Variants in STAU1 observed in about 807,000 individuals in gnomAD.
STAU1 encodes staufen double-stranded RNA binding protein 1, also known as double-stranded RNA-binding protein Staufen homolog 1.
Under a neutral mutation model 62.9 loss-of-function variants are expected in STAU1, and 13 were observed. The ratio of observed to expected loss-of-function variants is 0.21; its 90% confidence interval spans 0.13 to 0.33. The LOEUF (loss-of-function observed/expected upper bound fraction) is 0.33. Among genes scored for constraint, STAU1 ranks in the 10% least tolerant of loss-of-function variants. The probability of loss-of-function intolerance (pLI) is 1.00; values close to 1 mark genes in which losing one functional copy is unlikely to be tolerated. For missense variants in STAU1, 571 were observed against 712.1 expected (o/e 0.80, Z 2.25); for synonymous variants, 269 against 265.1 (o/e 1.01, Z -0.14).
intron 5 of STAU1, among the ~76,000 whole-genome samples, chr20:49,145,559 C>T (rs1335240787): frequency 1.3e-5 from 2 of 151,066 alleles, no homozygotes; most frequent in Non-Finnish European, 2.9e-5. Context: ...GGTGAAACCC[C>T]GTCTCTACTA....
chr20:49,194,959 A>G, the STAU1 span, among the ~76,000 whole-genome samples: 3 of 152,230 alleles, frequency 2.0e-5, no homozygotes, highest in Admixed American at 6.6e-5. Context: ...AAAAATAATA[A>G]TAACGGGAAA....
At chr20:49,203,195 C>T in the STAU1 span, among the ~76,000 whole-genome samples, 2 of 151,908 alleles carry the variant, frequency 1.3e-5, no homozygotes, top group South Asian at 4.2e-4. Context: ...GAGCCCGAGG[C>T]GGGCAGATCA....
the STAU1 span, among the ~76,000 whole-genome samples, chr20:49,218,327 C>T: frequency 2.0e-5 from 3 of 151,378 alleles, no homozygotes; most frequent in Non-Finnish European, 2.9e-5. Flanking sequence ...TGGGTTCACA[C>T]CATTCTCCTG....
chr20:49,114,863 A>G lies in STAU1; in HGVS notation c.*15T>C, dbSNP rs770392202. 1.2e-6 allele frequency: 2 copies of G among 1,613,272 alleles called. No homozygotes were observed. Among genetic ancestry groups the G allele is most frequent in the East Asian group, 2.2e-5 (1 of 44,882 alleles). ...ATATGTTGGGATTTTATAATGGTTC[A>G]TGGCCAGAAAAGGTTCAGCACCTCC... On this transcript the variant is annotated 3_prime_UTR_variant, in exon 14 of 14. Coordinates refer to ENST00000371856, the MANE Select transcript of STAU1 (RefSeq NM_017453.4).
chr20:49,177,790 A>ACTT (rs1351660439), intron 1 of STAU1, among the ~76,000 whole-genome samples: 1 of 152,190 alleles, frequency 6.6e-6, no homozygotes, highest in Non-Finnish European at 1.5e-5. Flanking sequence ...ACCATCATCA[A>ACTT]CTTAGCAAAG....
chr20:49,185,314 G>C (rs1329518204), intron 1 of STAU1, among the ~76,000 whole-genome samples: 1 of 152,196 alleles, frequency 6.6e-6, no homozygotes, highest in African/African-American at 2.4e-5. Context: ...AAACAGGACT[G>C]GGGAAATCTG....
chr20:49,129,364 T>C (rs996161620), intron 6 of STAU1, among the ~76,000 whole-genome samples: 2 of 135,088 alleles, frequency 1.5e-5, no homozygotes, highest in African/African-American at 5.5e-5. Flanking sequence ...CTTGGCTCAC[T>C]GCAACCTCTG....
intron 6 of STAU1, 75 bp from the exon 7 acceptor site, chr20:49,124,662 CTT>C: frequency 2.0e-6 from 3 of 1,483,466 alleles, no homozygotes; most frequent in Non-Finnish European, 2.8e-6. Flanking sequence ...GGCTGGCACA[CTT>C]CACACAGACA....
intron 6 of STAU1, 107 bp from the exon 7 acceptor site, chr20:49,124,694 A>G: frequency 3.7e-6 from 4 of 1,094,284 alleles, no homozygotes; most frequent in Non-Finnish European, 5.4e-6. Flanking sequence ...GGAACCAAGG[A>G]CAAGACCTAC....
At chr20:49,164,321 G>A (rs1253897090) in intron 3 of STAU1, among the ~76,000 whole-genome samples, 2 of 151,682 alleles carry the variant, frequency 1.3e-5, no homozygotes, top group South Asian at 2.1e-4. Context: ...TTTTGAGACA[G>A]GGTCTCGCTC....
chr20:49,199,926 T>A, the STAU1 span, among the ~76,000 whole-genome samples: 1 of 152,116 alleles, frequency 6.6e-6, no homozygotes, highest in South Asian at 2.1e-4. Flanking sequence ...CCCAGGCTGG[T>A]CTGCAACTCG....
chr20:49,132,198 G>A (rs1037018281), intron 6 of STAU1, among the ~76,000 whole-genome samples: 2 of 152,096 alleles, frequency 1.3e-5, no homozygotes, highest in East Asian at 1.9e-4. Context: ...CAGAGATTCT[G>A]AAACACTTCT....
chr20:49,209,670 G>T, the STAU1 span, among the ~76,000 whole-genome samples: 1 of 152,128 alleles, frequency 6.6e-6, no homozygotes, highest in Non-Finnish European at 1.5e-5. Context: ...TTGAACCCAA[G>T]AGGTGGAGGT....
In STAU1 at chr20:49,145,328, G is replaced by A. The variant is rs192225317; in HGVS notation, c.510+6254C>T. On this transcript the variant is annotated intron_variant, in intron 5 of 13. Transcript: ENST00000371856. ...AGTCCCAGCTACTTGGGAGGCTGAGGCAGAAGAATTGCTTGAAGCTGGGAG... is the reference window on the plus strand; with the variant it reads ...AGTCCCAGCTACTTGGGAGGCTGAGACAGAAGAATTGCTTGAAGCTGGGAG... Among the ~76,000 whole-genome samples the A allele has an allele frequency of 1.3e-3, 200 of 149,864 alleles. 2 individuals carry two copies. The highest frequency in any genetic ancestry group is 0.011 in the East Asian group (55 of 5,086).
intron 3 of STAU1, among the ~76,000 whole-genome samples, chr20:49,165,020 G>A (rs888942984): frequency 2.0e-5 from 3 of 151,984 alleles, no homozygotes; most frequent in Admixed American, 6.6e-5. Flanking sequence ...AGAGCTCTTC[G>A]TCAGTTGTGG....
chr20:49,149,782 G>A (rs547861428), intron 5 of STAU1, among the ~76,000 whole-genome samples: 4 of 152,244 alleles, frequency 2.6e-5, no homozygotes, highest in South Asian at 2.1e-4. Flanking sequence ...GAAATGCAGC[G>A]TAACAAAAGA....
the STAU1 span, among the ~76,000 whole-genome samples, chr20:49,198,178 A>ATGTGT: frequency 6.6e-6 from 1 of 152,210 alleles, no homozygotes; most frequent in African/African-American, 2.4e-5. Context: ...ATATACATAC[A>ATGTGT]CATGGGATAT....
the STAU1 span, among the ~76,000 whole-genome samples, chr20:49,200,194 T>A: frequency 7.9e-5 from 12 of 152,216 alleles, no homozygotes; most frequent in South Asian, 8.3e-4. Context: ...ATGTTTATAG[T>A]AGCTTAATTC....
In STAU1 at chr20:49,154,055, A is replaced by G. The variant is rs200301914; in HGVS notation, c.222T>C (p.Thr74=). Residue 74 remains threonine, a synonymous_variant, in exon 4 of 14, where the codon ACT becomes ACC. Coordinates refer to ENST00000371856, the MANE Select transcript of STAU1 (RefSeq NM_017453.4). Reference sequence around the variant, plus strand: ...TCATGCACAGTGCATTTAGTTCTACAGTAGGGGTTATGCTTTCTGCAAGAA... The same window carrying G: ...TCATGCACAGTGCATTTAGTTCTACGGTAGGGGTTATGCTTTCTGCAAGAA... ...TSAAAESITP[T]VELNALCMKL... 33 of 1,606,060 alleles carry G rather than the reference A, an allele frequency of 2.1e-5. No individual in the cohort carries two copies. Among genetic ancestry groups the G allele is most frequent in the East Asian group, 6.7e-5 (3 of 44,816 alleles).
Sources: allele counts gnomAD v4.1 joint callset (sites outside exome capture counted in the v4.1 genomes callset), GRCh38; gene constraint gnomAD v4.1.1; transcripts MANE v1.5; gene names NCBI Gene and HGNC (gene_info 2026-07-23, HGNC 2026-07-21).